TMC5: variants seen among roughly 807,000 people sequenced by gnomAD.
TMC5 encodes the protein transmembrane channel like 5, also known as transmembrane channel-like protein 5.
A neutral mutation model predicts 110.5 loss-of-function variants in TMC5; 86 were observed. The observed-to-expected ratio is 0.78, with a 90% CI of 0.65 to 0.93. TMC5 has a LOEUF of 0.93. TMC5 is among the 40% of genes least tolerant of loss of function. The pLI is 0.00. For missense variants in TMC5, 1,144 were observed against 1,222.8 expected, an observed-to-expected ratio of 0.94 and a Z score of 0.96; for synonymous variants, 455 against 439.5, an observed-to-expected ratio of 1.04 and a Z score of -0.44.
In TMC5 at chr16:19,490,384, T is replaced by G. The variant is rs902835426; in HGVS notation, c.2574-11T>G. 2 of 1,613,852 alleles carry G rather than the reference T, an allele frequency of 1.2e-6. No homozygotes were observed. The highest frequency in any genetic ancestry group is 1.7e-6 in the Non-Finnish European group (2 of 1,179,820). ...TGTGCTAGAGATGTTCTTCCATCTTTGTTTTACCAGATTGAAGCCTTCAGC... is the reference window on the plus strand; with the variant it reads ...TGTGCTAGAGATGTTCTTCCATCTTGGTTTTACCAGATTGAAGCCTTCAGC... On this transcript the variant is annotated splice_polypyrimidine_tract_variant and intron_variant, in intron 17 of 21. Coordinates refer to ENST00000542583, the MANE Select transcript of TMC5 (RefSeq NM_001261841.2).
intron 19 of TMC5, chr16:19,492,451 T>G (rs1967951): frequency 0.68 from 239,201 of 350,360 alleles, 84,658 homozygotes; most frequent in South Asian, 0.79. Flanking sequence ...TGATGATTAT[T>G]ATTATTATTT....
chr16:19,460,623 T>G (rs1967997470), intron 6 of TMC5, among the ~76,000 whole-genome samples: 1 of 152,104 alleles, frequency 6.6e-6, no homozygotes. Context: ...TGCCTAATAC[T>G]GCCTTGGCCA....
At position 19,464,093 on chromosome 16, in the gene TMC5, G is replaced by A. The variant is rs1023661097; in HGVS notation, c.1485+69G>A. 3 of 1,546,248 alleles carry A rather than the reference G, an allele frequency of 1.9e-6. No individual in the cohort carries two copies. The African/African-American group carries it at 4.1e-5, about 21-fold the overall frequency. Reference sequence around the variant, plus strand: ...GGAAACCCAGGGACGTGCCTTGCCGGTCACCCACTCACACCTCTCATTTTG... The same window carrying A: ...GGAAACCCAGGGACGTGCCTTGCCGATCACCCACTCACACCTCTCATTTTG... On this transcript the variant is annotated intron_variant, in intron 8 of 21. Transcript: ENST00000542583.
At position 19,469,686 on chromosome 16, in the gene TMC5, CCAAGTATTTCCGGAA is replaced by C. The variant is rs771817804; in HGVS notation, c.1647_1661del (p.Lys549_Asn553del). On this transcript the variant is annotated inframe_deletion, in exon 10 of 22. Coordinates refer to ENST00000542583, the MANE Select transcript of TMC5 (RefSeq NM_001261841.2). ...CTGCTTTCTGCCTTCTCTAGCATGGCCAAGTATTTCCGGAACAACTTCATTAATCCCCACATTTAC... is the reference window on the plus strand; with the variant it reads ...CTGCTTTCTGCCTTCTCTAGCATGGCCAACTTCATTAATCCCCACATTTAC... 6.8e-6 allele frequency: 11 copies of C among 1,613,882 alleles called. No homozygotes were observed. The highest frequency in any genetic ancestry group is 9.3e-6 in the Non-Finnish European group (11 of 1,179,924).
At chr16:19,493,466 T>TCTCTC (rs563230178) in intron 19 of TMC5, among the ~76,000 whole-genome samples, 3 of 124,496 alleles carry the variant, frequency 2.4e-5, no homozygotes, top group African/African-American at 1.1e-4. Flanking sequence ...TCTCTCTCTC[T>TCTCTC]TTTTTTTTTT....
chr16:19,469,214 C>T (rs1000309305), intron 9 of TMC5, among the ~76,000 whole-genome samples: 1 of 151,542 alleles, frequency 6.6e-6, no homozygotes, highest in African/African-American at 2.4e-5. Flanking sequence ...ATTGGCCGGG[C>T]GTGGTGATGG....
At chr16:19,437,111 G>T (rs945766767) in intron 2 of TMC5, among the ~76,000 whole-genome samples, 3 of 152,168 alleles carry the variant, frequency 2.0e-5, no homozygotes, top group Non-Finnish European at 4.4e-5. Context: ...GGAGGTCGAG[G>T]TTGCATCGAG....
At chr16:19,421,052 G>A (rs1419592575) in intron 1 of TMC5, among the ~76,000 whole-genome samples, 1 of 152,066 alleles carries the variant, frequency 6.6e-6, no homozygotes, top group Non-Finnish European at 1.5e-5. Flanking sequence ...GAGATAACAG[G>A]ACCTGGCAGT....
At chr16:19,446,566 G>A (rs938324226) in intron 4 of TMC5, among the ~76,000 whole-genome samples, 1 of 152,178 alleles carries the variant, frequency 6.6e-6, no homozygotes, top group Non-Finnish European at 1.5e-5. Context: ...TTTCAGGCAG[G>A]CACTGCCACT....
intron 2 of TMC5, among the ~76,000 whole-genome samples, chr16:19,435,208 T>C (rs1967315007): frequency 6.6e-6 from 1 of 151,938 alleles, no homozygotes; most frequent in Non-Finnish European, 1.5e-5. Flanking sequence ...TTTAGGAGTA[T>C]AGGCCAGGCG....
chr16:19,412,550 T>C (rs1304932642), intron 1 of TMC5, among the ~76,000 whole-genome samples: 1 of 152,064 alleles, frequency 6.6e-6, no homozygotes, highest in African/African-American at 2.4e-5. Flanking sequence ...GTATTTTTAG[T>C]AGAGATGGGC....
chr16:19,496,156 TC>T (rs1969046915), intron 20 of TMC5, among the ~76,000 whole-genome samples: 2 of 49,810 alleles, frequency 4.0e-5, no homozygotes, highest in African/African-American at 1.0e-4. Flanking sequence ...AGACTCCGTG[TC>T]AAAAAAAAAA....
At chr16:19,458,242 C>T (rs1052787015) in intron 5 of TMC5, among the ~76,000 whole-genome samples, 2 of 152,066 alleles carry the variant, frequency 1.3e-5, no homozygotes, top group African/African-American at 4.8e-5. Context: ...CAGAGTTTCA[C>T]TCTTGTTGCC....
rs370024081 is a variant in TMC5 at position 19,457,709 on chromosome 16, C to T, written c.1049-2526C>T. 4.2e-3 allele frequency among the ~76,000 whole-genome samples: 183 copies of T among 43,852 alleles called. 1 individual carries two copies. The highest frequency in any genetic ancestry group is 7.7e-3 in the Non-Finnish European group (145 of 18,896). The allele number at this position is 43,852 out of a possible 152,430, so 28.8% of individuals were successfully genotyped here. On this transcript the variant is annotated intron_variant, in intron 5 of 21. Transcript: ENST00000542583. ...TCTATCTGATTCCCAAGACTACATT[C>T]TTTTTTTTTTTTTTTTTTTTTTTTT...
chr16:19,442,581 G>A (rs1459037567), intron 3 of TMC5, among the ~76,000 whole-genome samples: 3 of 151,686 alleles, frequency 2.0e-5, no homozygotes, highest in South Asian at 2.1e-4. Flanking sequence ...TGCTTGCCTC[G>A]GCCTCTCAAA....
chr16:19,495,585 G>A (rs972268883), intron 20 of TMC5, among the ~76,000 whole-genome samples: 8 of 152,086 alleles, frequency 5.3e-5, no homozygotes, highest in Admixed American at 2.6e-4. Context: ...TTTTTTGTGC[G>A]TTTATAATCG....
intron 2 of TMC5, among the ~76,000 whole-genome samples, chr16:19,431,816 C>G (rs1410328293): frequency 6.6e-6 from 1 of 152,196 alleles, no homozygotes; most frequent in Non-Finnish European, 1.5e-5. Flanking sequence ...ATAAGAATCA[C>G]AGCTGGCCAT....
At chr16:19,473,406 A>G (rs1483254822) in intron 11 of TMC5, among the ~76,000 whole-genome samples, 5 of 145,130 alleles carry the variant, frequency 3.4e-5, no homozygotes, top group Non-Finnish European at 7.5e-5. Context: ...TAGCAGAGAC[A>G]CGCCAACCCC....
intron 19 of TMC5, among the ~76,000 whole-genome samples, chr16:19,492,561 C>T (rs1968935007): frequency 6.6e-6 from 1 of 151,748 alleles, no homozygotes; most frequent in South Asian, 2.1e-4. Context: ...TTCTCCTGCC[C>T]CAACCTCCCA....
Sources: gnomAD v4.1 joint callset for allele counts (sites outside exome capture counted in the v4.1 genomes callset) on GRCh38, gnomAD v4.1.1 for gene constraint, MANE v1.5 for transcripts, NCBI Gene and HGNC (gene_info 2026-07-23, HGNC 2026-07-21) for gene names.